Variants in ADAMTSL3 observed in about 807,000 individuals in gnomAD.
ADAMTSL3 encodes the protein ADAMTS-like protein 3.
ADAMTSL3 carries 128 observed loss-of-function variants against 201.7 expected under a neutral mutation model. The ratio of observed to expected loss-of-function variants is 0.63; its 90% CI spans 0.55 to 0.73. ADAMTSL3 has a LOEUF of 0.73. Among genes scored for constraint, ADAMTSL3 ranks in the 30% least tolerant of loss-of-function variants. ADAMTSL3 has a pLI of 0.00. For missense variants in ADAMTSL3, 1,990 were observed against 2,119.6 expected (o/e 0.94, Z 1.20); for synonymous variants, 738 against 748.4 (o/e 0.99, Z 0.23).
intron 24 of ADAMTSL3, among the ~76,000 whole-genome samples, chr15:84,015,385 A>G (rs1318455859): frequency 6.6e-6 from 1 of 152,252 alleles, no homozygotes; most frequent in Non-Finnish European, 1.5e-5. Flanking sequence ...TGGGGCAGTT[A>G]GAGGAGCCCA....
intron 25 of ADAMTSL3, 133 bp downstream of exon 25, chr15:84,016,632 T>C (rs958639299): frequency 2.1e-5 from 15 of 731,220 alleles, no homozygotes; most frequent in Non-Finnish European, 3.4e-5. Flanking sequence ...CCAGCCTTTT[T>C]CTTGACCCTC....
intron 19 of ADAMTSL3, among the ~76,000 whole-genome samples, chr15:83,957,714 A>G (rs1018876672): frequency 7.9e-5 from 12 of 152,300 alleles, no homozygotes; most frequent in Admixed American, 1.3e-4. Context: ...AAAGGGAGAG[A>G]AAAATGGCTT....
chr15:83,985,078 A>G (rs1286346986), intron 21 of ADAMTSL3, among the ~76,000 whole-genome samples: 1 of 152,192 alleles, frequency 6.6e-6, no homozygotes, highest in East Asian at 1.9e-4. Flanking sequence ...TGCATTTTGA[A>G]TAGACTTTTT....
chr15:83,929,142 TCAA>T (rs1055228099), intron 17 of ADAMTSL3, among the ~76,000 whole-genome samples: 9 of 152,214 alleles, frequency 5.9e-5, no homozygotes, highest in African/African-American at 2.2e-4. Context: ...CATGAAACCT[TCAA>T]CAACACTCCT....
chr15:83,900,693 G>A (rs991093780), intron 15 of ADAMTSL3, among the ~76,000 whole-genome samples: 1 of 152,190 alleles, frequency 6.6e-6, no homozygotes, highest in African/African-American at 2.4e-5. Context: ...ACTGCATTAA[G>A]AGACACCTCA....
intron 5 of ADAMTSL3, among the ~76,000 whole-genome samples, chr15:83,811,709 G>A (rs2063701018): frequency 6.6e-6 from 1 of 152,220 alleles, no homozygotes; most frequent in African/African-American, 2.4e-5. Flanking sequence ...AGAGTAGGAA[G>A]GAGGTGGAGA....
chr15:83,912,045 A>G (rs959118689), intron 15 of ADAMTSL3, among the ~76,000 whole-genome samples: 2 of 152,228 alleles, frequency 1.3e-5, no homozygotes, highest in African/African-American at 4.8e-5. Flanking sequence ...TTCAAAACTT[A>G]TTCTATTACT....
At chr15:83,883,105 G>A (rs1457610604) in intron 9 of ADAMTSL3, among the ~76,000 whole-genome samples, 5 of 150,412 alleles carry the variant, frequency 3.3e-5, no homozygotes, top group African/African-American at 9.8e-5. Context: ...ACTAAATATA[G>A]CATTTCTCAT....
intron 15 of ADAMTSL3, among the ~76,000 whole-genome samples, chr15:83,907,116 AG>A (rs148050060): frequency 0.029 from 773 of 26,428 alleles, 17 homozygotes; most frequent in African/African-American, 0.097. Flanking sequence ...AAAAAAAAAA[AG>A]AGAGAGTCTA....
At chr15:83,722,150 C>T (rs2062110004) in intron 3 of ADAMTSL3, among the ~76,000 whole-genome samples, 3 of 152,116 alleles carry the variant, frequency 2.0e-5, no homozygotes, top group Admixed American at 2.0e-4. Context: ...CAAATGAAAT[C>T]AAGAGGCGGG....
In ADAMTSL3 at chr15:84,014,731, G is replaced by A. The variant is rs758739593; in HGVS notation, c.4156+7G>A. 2 of 1,604,940 alleles carry A rather than the reference G, an allele frequency of 1.2e-6. No individual in the cohort carries two copies. The highest frequency in any genetic ancestry group is 1.7e-6 in the Non-Finnish European group (2 of 1,176,296). Reference sequence around the variant, plus strand: ...TCTGTACTCCACTTGCTGGGTAAGTGTCAAATTCTTATTGCTCCTTAAGTG... The same window carrying A: ...TCTGTACTCCACTTGCTGGGTAAGTATCAAATTCTTATTGCTCCTTAAGTG... On this transcript the variant is annotated splice_region_variant and intron_variant, in intron 24 of 29. Transcript: ENST00000286744.
chr15:83,714,535 T>C (rs2061974005), intron 3 of ADAMTSL3, among the ~76,000 whole-genome samples: 1 of 152,126 alleles, frequency 6.6e-6, no homozygotes, highest in Non-Finnish European at 1.5e-5. Context: ...CTAACCCTTG[T>C]ATATCCTTCA....
intron 9 of ADAMTSL3, among the ~76,000 whole-genome samples, chr15:83,876,410 A>G (rs2065178310): frequency 6.6e-6 from 1 of 151,408 alleles, no homozygotes; most frequent in Non-Finnish European, 1.5e-5. Flanking sequence ...TTCAGCTGCT[A>G]GAGCTGAATT....
intron 28 of ADAMTSL3, among the ~76,000 whole-genome samples, chr15:84,034,352 G>A (rs1325474603): frequency 6.6e-6 from 1 of 152,174 alleles, no homozygotes; most frequent in East Asian, 1.9e-4. Flanking sequence ...GAGTGTTGTA[G>A]AAGGAGTAGC....
intron 27 of ADAMTSL3, 173 bp downstream of exon 27, chr15:84,025,609 TC>T (rs2068291952): frequency 1.5e-6 from 1 of 648,494 alleles, no homozygotes; most frequent in African/African-American, 1.8e-5. Context: ...AATCATAGTA[TC>T]TCTGTCTTCC....
intron 4 of ADAMTSL3, among the ~76,000 whole-genome samples, chr15:83,792,773 C>T (rs957253118): frequency 1.4e-5 from 2 of 144,556 alleles, no homozygotes; most frequent in African/African-American, 5.1e-5. Context: ...GCCTGGGCAA[C>T]AGAGTGAGAC....
At chr15:83,708,387 C>T (rs2061882491) in intron 3 of ADAMTSL3, among the ~76,000 whole-genome samples, 1 of 152,200 alleles carries the variant, frequency 6.6e-6, no homozygotes, top group Non-Finnish European at 1.5e-5. Flanking sequence ...CTTCAAATGT[C>T]TCCTGGGTTA....
At chr15:83,925,589 G>A (rs1257958953) in intron 17 of ADAMTSL3, among the ~76,000 whole-genome samples, 4 of 152,204 alleles carry the variant, frequency 2.6e-5, no homozygotes, top group Non-Finnish European at 5.9e-5. Flanking sequence ...AAGGTTTGAT[G>A]TAACTAGGAG....
chr15:83,954,769 C>T (rs2066824776), intron 19 of ADAMTSL3, among the ~76,000 whole-genome samples: 1 of 152,180 alleles, frequency 6.6e-6, no homozygotes, highest in African/African-American at 2.4e-5. Context: ...CAGAAGCATT[C>T]TCTGGATTAC....
Sources: gnomAD v4.1 joint callset for allele counts (sites outside exome capture counted in the v4.1 genomes callset) on GRCh38, gnomAD v4.1.1 for gene constraint, MANE v1.5 for transcripts, NCBI Gene and HGNC (gene_info 2026-07-23, HGNC 2026-07-21) for gene names.